LRRCC1: variants seen among roughly 807,000 people sequenced by gnomAD.
The protein encoded by LRRCC1 is leucine rich repeat and coiled-coil centrosomal protein 1.
In LRRCC1, 115 loss-of-function variants were observed where a neutral mutation model predicts 126.0. That is an observed-to-expected ratio of 0.91 (90% CI 0.78 to 1.07). LRRCC1 has a LOEUF of 1.07. LRRCC1 is among the 50% of genes least tolerant of loss of function. The pLI is 0.00. For synonymous variants in LRRCC1, 400 were observed against 393.4 expected, an observed-to-expected ratio of 1.02 and a Z score of -0.20; for missense variants, 1,172 against 1,175.7, an observed-to-expected ratio of 1.00 and a Z score of 0.05.
At chr8:85,137,243 T>G (rs1040845124) in intron 14 of LRRCC1, among the ~76,000 whole-genome samples, 5 of 152,232 alleles carry the variant, frequency 3.3e-5, no homozygotes, top group African/African-American at 4.8e-5. Flanking sequence ...TCTGAGTTAC[T>G]TGTTCTCAAC....
Position 85,123,513 on chromosome 8 carries a change from A to T in LRRCC1, c.1031A>T (p.Asn344Ile). The T allele has an allele frequency of 6.2e-7, 1 of 1,611,728 alleles. No homozygotes were observed. Among genetic ancestry groups the T allele is most frequent in the South Asian group, 1.1e-5 (1 of 90,712 alleles). ...GACTATGGAAACAGAAAAGAATGCA[A>T]TAGAAAAGTTCCTCGAAGATCAAAA... ...ESDYGNRKEC[N>I]RKVPRRSKIP... Residue 344 changes from asparagine to isoleucine, a missense_variant, in exon 7 of 19, where the codon AAT becomes ATT. Transcript: ENST00000360375.
Position 85,123,564 on chromosome 8 carries a change from A to G in LRRCC1, c.1082A>G (p.Gln361Arg), listed in dbSNP as rs1186379360. ...SKIPYDAKTIQTIKHHNKNYN... is the reference protein window; with the variant it reads ...SKIPYDAKTIRTIKHHNKNYN... ...ATCCCTTATGATGCCAAAACCATTC[A>G]AACTATTAAGCACCACAATAAAAAC... The change falls in exon 7 of 19, where the codon CAA (glutamine) becomes CGA (arginine). Residue 361 changes from glutamine to arginine, a missense_variant. Transcript: ENST00000360375. 6.2e-7 allele frequency: 1 copy of G among 1,601,684 alleles called. No individual in the cohort carries two copies. Among genetic ancestry groups the G allele is most frequent in the Admixed American group, 1.8e-5 (1 of 55,402 alleles).
chr8:85,141,625 C>A, intron 18 of LRRCC1, 108 bp downstream of exon 18: 1 of 790,854 alleles, frequency 1.3e-6, no homozygotes, highest in Non-Finnish European at 1.9e-6. Flanking sequence ...ATCTCATGAC[C>A]AAATAGATAT....
intron 1 of LRRCC1, among the ~76,000 whole-genome samples, chr8:85,108,347 T>G (rs1034786832): frequency 6.6e-6 from 1 of 152,236 alleles, no homozygotes; most frequent in African/African-American, 2.4e-5. Context: ...GTTATATACA[T>G]TATCAGTAAT....
At chr8:85,128,552 G>T (rs1327336046) in intron 9 of LRRCC1, among the ~76,000 whole-genome samples, 2 of 151,600 alleles carry the variant, frequency 1.3e-5, no homozygotes, top group African/African-American at 4.9e-5. Context: ...CATGCTGTGA[G>T]TATATACAAT....
At chr8:85,117,375 TG>T (rs1219873021) in intron 6 of LRRCC1, among the ~76,000 whole-genome samples, 1 of 152,172 alleles carries the variant, frequency 6.6e-6, no homozygotes, top group African/African-American at 2.4e-5. Flanking sequence ...GAAAGAAAGG[TG>T]ATTCACTGCT....
chr8:85,130,065 GAA>G lies in LRRCC1; in HGVS notation c.1766+11_1766+12del. 1 of 1,541,424 alleles carries G rather than the reference GAA, an allele frequency of 6.5e-7. No individual in the cohort carries two copies. Among genetic ancestry groups the G allele is most frequent in the Non-Finnish European group, 8.7e-7 (1 of 1,150,892 alleles). On this transcript the variant is annotated splice_region_variant and intron_variant, in intron 11 of 18. Transcript: ENST00000360375. ...TGAAAGAACAGGAACACAGGTAAAT[GAA>G]AAATGTATCAGGAATGTATTGGCAT... is the stretch of plus-strand genomic sequence containing the variant.
chr8:85,129,363 A>C lies in LRRCC1; in HGVS notation c.1610A>C (p.Gln537Pro). The change falls in exon 10 of 19, where the codon CAG (glutamine) becomes CCG (proline). Residue 537 changes from glutamine (Q) to proline (P), a missense_variant. Gln to Pro is a moderately conservative substitution (Grantham distance 76). Coordinates refer to ENST00000360375, the MANE Select transcript of LRRCC1 (RefSeq NM_033402.5). The part of the protein sequence containing the change: ...TLEKMERQKR[Q>P]QQAAQIRLIQ... ...GAAAAAATGGAGAGACAAAAAAGGC[A>C]GCAGCAGGCAGCACAGGTATTTCTC... is the stretch of plus-strand genomic sequence containing the variant. The C allele has an allele frequency of 6.2e-7, 1 of 1,610,934 alleles. No individual in the cohort carries two copies. Among genetic ancestry groups the C allele is most frequent in the Non-Finnish European group, 8.5e-7 (1 of 1,179,160 alleles).
chr8:85,145,119 A>G (rs535090371), intron 18 of LRRCC1, among the ~76,000 whole-genome samples: 43 of 147,408 alleles, frequency 2.9e-4, no homozygotes, highest in South Asian at 1.7e-3. Flanking sequence ...ATATGTGTGT[A>G]TATATATATA....
chr8:85,132,049 T>G (rs1810510474), intron 12 of LRRCC1, 88 bp downstream of exon 12: 1 of 1,091,818 alleles, frequency 9.2e-7, no homozygotes, highest in Admixed American at 2.7e-5. Context: ...CATAGCTGTA[T>G]TAAATGTTGG....
At chr8:85,114,724 G>A (rs1808973294) in intron 4 of LRRCC1, among the ~76,000 whole-genome samples, 1 of 152,072 alleles carries the variant, frequency 6.6e-6, no homozygotes, top group Non-Finnish European at 1.5e-5. Context: ...CCTGCTTTAA[G>A]TTCATTTATG....
At chr8:85,122,100 A>G (rs940806639) in intron 6 of LRRCC1, among the ~76,000 whole-genome samples, 2 of 152,100 alleles carry the variant, frequency 1.3e-5, no homozygotes, top group Non-Finnish European at 1.5e-5. Context: ...CCTGGCCTCC[A>G]TAGTTTTGAT....
At chr8:85,125,029 G>A (rs1809864841) in intron 8 of LRRCC1, 90 bp downstream of exon 8, 1 of 915,250 alleles carries the variant, frequency 1.1e-6, no homozygotes, top group Non-Finnish European at 1.6e-6. Flanking sequence ...TTAGCAAAAA[G>A]TGTTTGAATT....
At chr8:85,115,665 C>A in intron 6 of LRRCC1, 81 bp downstream of exon 6, 1 of 989,000 alleles carries the variant, frequency 1.0e-6, no homozygotes, top group Non-Finnish European at 1.5e-6. Flanking sequence ...AAATTATGTA[C>A]TAGCTGACCA....
At chr8:85,111,152 C>T (rs1431047387) in intron 3 of LRRCC1, among the ~76,000 whole-genome samples, 4 of 152,192 alleles carry the variant, frequency 2.6e-5, no homozygotes, top group East Asian at 1.9e-4. Context: ...CCAAGGCAGG[C>T]GGATCACCTG....
intron 9 of LRRCC1, among the ~76,000 whole-genome samples, chr8:85,128,031 G>A (rs1810148089): frequency 6.6e-6 from 1 of 152,214 alleles, no homozygotes; most frequent in South Asian, 2.1e-4. Context: ...TGGACAGATA[G>A]TAGAAGAGAA....
At chr8:85,125,207 T>C (rs1488124547) in intron 8 of LRRCC1, among the ~76,000 whole-genome samples, 1 of 152,220 alleles carries the variant, frequency 6.6e-6, no homozygotes, top group Non-Finnish European at 1.5e-5. Flanking sequence ...TTAATTCTTA[T>C]TCCTTAAGGT....
At chr8:85,129,870 G>A in intron 10 of LRRCC1, 49 bp from the exon 11 acceptor site, 1 of 1,373,148 alleles carries the variant, frequency 7.3e-7, no homozygotes. Context: ...CATTAAAATA[G>A]CAGGGGAGAC....
chr8:85,123,024 GT>G (rs1205461681), intron 6 of LRRCC1, among the ~76,000 whole-genome samples: 2 of 152,052 alleles, frequency 1.3e-5, no homozygotes, highest in African/African-American at 2.4e-5. Flanking sequence ...CCTACCTGAG[GT>G]TTAGACTCTC....
Sources: allele counts gnomAD v4.1 joint callset (sites outside exome capture counted in the v4.1 genomes callset), GRCh38; gene constraint gnomAD v4.1.1; transcripts MANE v1.5; gene names NCBI Gene and HGNC (gene_info 2026-07-23, HGNC 2026-07-21).